AFF3: variants seen among roughly 807,000 people sequenced by gnomAD.
The protein encoded by AFF3 is ALF transcription elongation factor 3, also known as AF4/FMR2 family member 3.
Under a neutral mutation model 129.7 loss-of-function variants are expected in AFF3, and 32 were observed. The observed-to-expected ratio is 0.25, with a 90% CI of 0.19 to 0.33. The LOEUF is 0.33. Ranked by LOEUF, AFF3 falls within the 10% of genes least tolerant of loss-of-function variation. The probability of loss-of-function intolerance (pLI) is 1.00; values close to 1 mark genes in which losing one functional copy is unlikely to be tolerated. For synonymous variants in AFF3, 644 were observed against 635.4 expected, an observed-to-expected ratio of 1.01 and a Z score of -0.20; for missense variants, 1,373 against 1,592.0, an observed-to-expected ratio of 0.86 and a Z score of 2.34.
chr2:100,100,552 A>C (rs889665539), intron 4 of AFF3, among the ~76,000 whole-genome samples: 2 of 152,152 alleles, frequency 1.3e-5, no homozygotes, highest in African/African-American at 2.4e-5. Flanking sequence ...CCTCCACCCA[A>C]GTCCCAAATA....
chr2:99,743,019 G>A (rs574133769), intron 10 of AFF3, among the ~76,000 whole-genome samples: 79 of 152,354 alleles, frequency 5.2e-4, no homozygotes, highest in African/African-American at 1.9e-3. Context: ...CGATGCTGAC[G>A]TCTGTATACC....
At chr2:99,796,713 C>T (rs549512480) in intron 8 of AFF3, among the ~76,000 whole-genome samples, 1 of 152,200 alleles carries the variant, frequency 6.6e-6, no homozygotes, top group South Asian at 2.1e-4. Flanking sequence ...CAGCAGAGTT[C>T]TGAGTGGCAC....
chr2:100,022,926 A>AT (rs1350510334), intron 4 of AFF3, among the ~76,000 whole-genome samples: 122 of 152,332 alleles, frequency 8.0e-4, no homozygotes, highest in African/African-American at 2.8e-3. Flanking sequence ...ACAGGAAGAG[A>AT]TAGGGGGAGA....
chr2:99,841,938 T>C (rs1202573483), intron 7 of AFF3, among the ~76,000 whole-genome samples: 1 of 152,138 alleles, frequency 6.6e-6, no homozygotes, highest in Non-Finnish European at 1.5e-5. Context: ...TTGGGGTAAA[T>C]TTCCTCCTCC....
At chr2:99,623,930 T>C (rs1324888232) in intron 13 of AFF3, among the ~76,000 whole-genome samples, 2 of 152,188 alleles carry the variant, frequency 1.3e-5, no homozygotes, top group Admixed American at 6.5e-5. Context: ...CATCATCCCA[T>C]TGGACTTCAC....
At chr2:99,574,278 G>A (rs1234086271) in intron 18 of AFF3, among the ~76,000 whole-genome samples, 1 of 152,158 alleles carries the variant, frequency 6.6e-6, no homozygotes, top group Non-Finnish European at 1.5e-5. Context: ...CAGGGGAGGA[G>A]GTGAGGTCAC....
chr2:99,760,250 G>C (rs757166778), intron 8 of AFF3, among the ~76,000 whole-genome samples: 3 of 152,154 alleles, frequency 2.0e-5, no homozygotes, highest in Non-Finnish European at 4.4e-5. Flanking sequence ...TGCAAATGTA[G>C]CCTGTAATTA....
At chr2:99,725,201 C>T (rs372541063) in intron 11 of AFF3, among the ~76,000 whole-genome samples, 14 of 152,114 alleles carry the variant, frequency 9.2e-5, no homozygotes, top group African/African-American at 3.4e-4. Context: ...TTTCGAACTC[C>T]TGACCTCGTG....
chr2:99,740,272 T>G (rs1680612272), intron 10 of AFF3, among the ~76,000 whole-genome samples: 1 of 150,610 alleles, frequency 6.6e-6, no homozygotes, highest in Non-Finnish European at 1.5e-5. Context: ...GCAATAAACA[T>G]ACGTGTGCAT....
intron 7 of AFF3, among the ~76,000 whole-genome samples, chr2:99,858,801 T>G (rs542198506): frequency 6.6e-6 from 1 of 152,146 alleles, no homozygotes; most frequent in Non-Finnish European, 1.5e-5. Context: ...CTAAAGGGTA[T>G]AGGCTTAATA....
At chr2:99,609,383 T>A (rs1057097997) in intron 13 of AFF3, among the ~76,000 whole-genome samples, 1 of 152,094 alleles carries the variant, frequency 6.6e-6, no homozygotes, top group African/African-American at 2.4e-5. Context: ...CTCACTCCCC[T>A]CCCACCTTTC....
In AFF3 at chr2:99,630,689, T is replaced by C. The variant is rs187891650; in HGVS notation, c.1184+18937A>G. ...AAGGGGAAGCAAGGCACGTCTTACA[T>C]GGTGGCAGGAGAGAGACAGAGAGTG... On this transcript the variant is annotated intron_variant, in intron 13 of 24. Transcript: ENST00000672756. 599 of 157,620 alleles carry C rather than the reference T, an allele frequency of 3.8e-3. 4 individuals are homozygous for C. The highest frequency in any genetic ancestry group is 0.014 in the African/African-American group (569 of 41,626). 9.8% of individuals were successfully genotyped at this position (157,620 alleles called of 1,614,324 possible).
At chr2:100,059,457 T>C (rs1687073196) in intron 4 of AFF3, among the ~76,000 whole-genome samples, 1 of 152,030 alleles carries the variant, frequency 6.6e-6, no homozygotes. Flanking sequence ...TAAAAAGTCT[T>C]AGTGAGGCTG....
At chr2:99,765,027 G>A (rs540385029) in intron 8 of AFF3, among the ~76,000 whole-genome samples, 1 of 152,098 alleles carries the variant, frequency 6.6e-6, no homozygotes, top group Non-Finnish European at 1.5e-5. Flanking sequence ...TTGTCAAATC[G>A]TGTTAACTCG....
chr2:99,840,188 G>A (rs979317789), intron 7 of AFF3, among the ~76,000 whole-genome samples: 4 of 152,142 alleles, frequency 2.6e-5, no homozygotes, highest in Non-Finnish European at 5.9e-5. Flanking sequence ...CAATTTACCC[G>A]TTTTTTTCTT....
intron 8 of AFF3, among the ~76,000 whole-genome samples, chr2:99,835,156 TG>T (rs1437407771): frequency 6.6e-6 from 1 of 152,160 alleles, no homozygotes; most frequent in Non-Finnish European, 1.5e-5. Flanking sequence ...CACTCCCTCT[TG>T]CTTCTCCTTT....
At chr2:99,779,568 T>C (rs1011578775) in intron 8 of AFF3, among the ~76,000 whole-genome samples, 1 of 152,136 alleles carries the variant, frequency 6.6e-6, no homozygotes, top group African/African-American at 2.4e-5. Context: ...AAGTCCAGGT[T>C]TCTTACATGC....
intron 4 of AFF3, among the ~76,000 whole-genome samples, chr2:100,057,633 G>C (rs192543671): frequency 6.6e-6 from 1 of 152,194 alleles, no homozygotes; most frequent in Admixed American, 6.5e-5. Context: ...TTCCTTTTCA[G>C]AATGTCACAT....
At chr2:99,715,321 G>A (rs1237597853) in intron 11 of AFF3, among the ~76,000 whole-genome samples, 1 of 152,154 alleles carries the variant, frequency 6.6e-6, no homozygotes, top group Non-Finnish European at 1.5e-5. Context: ...AAAAATTCTA[G>A]TAAAGCTCTG....
Sources: gnomAD v4.1 joint callset for allele counts (sites outside exome capture counted in the v4.1 genomes callset) on GRCh38, gnomAD v4.1.1 for gene constraint, MANE v1.5 for transcripts, NCBI Gene and HGNC (gene_info 2026-07-23, HGNC 2026-07-21) for gene names.